Variants in KLHL1 observed in about 807,000 individuals in gnomAD.
KLHL1 encodes the protein kelch like family member 1.
A neutral mutation model predicts 77.7 loss-of-function variants in KLHL1; 47 were observed. That is an observed-to-expected ratio of 0.60 (90% CI 0.48 to 0.77). KLHL1 has a LOEUF of 0.77. KLHL1 is among the 30% of genes least tolerant of loss of function. KLHL1 has a pLI of 0.00. For synonymous variants in KLHL1, 360 were observed against 325.2 expected (o/e 1.11, Z -1.15); for missense variants, 925 against 910.8 (o/e 1.02, Z -0.20).
chr13:70,082,844 G>T (rs1003630473), intron 1 of KLHL1, among the ~76,000 whole-genome samples: 3 of 152,102 alleles, frequency 2.0e-5, no homozygotes, highest in African/African-American at 7.2e-5. Context: ...TGCAGCTGGA[G>T]CCAATAACCT....
chr13:69,855,343 G>C (rs779670444), intron 5 of KLHL1, among the ~76,000 whole-genome samples: 5,808 of 78,670 alleles, frequency 0.074, 173 homozygotes, highest in African/African-American at 0.13. Flanking sequence ...TAGATAGATA[G>C]ATAGACAGAC....
chr13:70,008,517 T>C (rs867244296), intron 1 of KLHL1, among the ~76,000 whole-genome samples: 16 of 152,222 alleles, frequency 1.1e-4, no homozygotes, highest in African/African-American at 3.6e-4. Flanking sequence ...TGCATGTTTT[T>C]AACCATTTGA....
intron 3 of KLHL1, among the ~76,000 whole-genome samples, chr13:69,941,130 G>A (rs1211386158): frequency 6.6e-6 from 1 of 151,816 alleles, no homozygotes; most frequent in Non-Finnish European, 1.5e-5. Context: ...AATATTTACA[G>A]AACATTCTGC....
At chr13:70,103,250 G>A (rs1887967473) in intron 1 of KLHL1, among the ~76,000 whole-genome samples, 1 of 152,052 alleles carries the variant, frequency 6.6e-6, no homozygotes, top group Non-Finnish European at 1.5e-5. Flanking sequence ...AAAATTATAG[G>A]GAAGGATATT....
intron 6 of KLHL1, among the ~76,000 whole-genome samples, chr13:69,815,251 C>CTCAT (rs1478151550): frequency 1.3e-5 from 2 of 152,174 alleles, no homozygotes. Context: ...GACACCTGCA[C>CTCAT]TCATATGTTT....
chr13:69,982,472 AT>A (rs1566470953), intron 1 of KLHL1, among the ~76,000 whole-genome samples: 21 of 136,142 alleles, frequency 1.5e-4, no homozygotes, highest in Non-Finnish European at 2.3e-4. Flanking sequence ...AATAATAATA[AT>A]AATAATAAAA....
chr13:69,856,692 C>T (rs1879933761), intron 5 of KLHL1, among the ~76,000 whole-genome samples: 1 of 152,030 alleles, frequency 6.6e-6, no homozygotes, highest in Non-Finnish European at 1.5e-5. Flanking sequence ...ATAATAAATA[C>T]TTAGTGCATA....
intron 9 of KLHL1, among the ~76,000 whole-genome samples, chr13:69,714,605 A>AT (rs902923532): frequency 3.3e-5 from 5 of 151,576 alleles, no homozygotes; most frequent in Non-Finnish European, 4.4e-5. Context: ...TTATTTATAT[A>AT]TTTTTTGAGA....
intron 1 of KLHL1, among the ~76,000 whole-genome samples, chr13:70,025,459 C>T (rs1313634217): frequency 2.0e-5 from 3 of 151,836 alleles, no homozygotes; most frequent in African/African-American, 7.3e-5. Context: ...TTTTTATGCA[C>T]TTTTCCTAGT....
chr13:70,024,126 T>C (rs1400617265), intron 1 of KLHL1, among the ~76,000 whole-genome samples: 1 of 151,852 alleles, frequency 6.6e-6, no homozygotes, highest in African/African-American at 2.4e-5. Context: ...TGGTATGGCG[T>C]AGACGATTGT....
intron 1 of KLHL1, among the ~76,000 whole-genome samples, chr13:70,038,076 T>C (rs2137375407): frequency 6.6e-6 from 1 of 152,326 alleles, no homozygotes; most frequent in African/African-American, 2.4e-5. Flanking sequence ...CTGCAATCTC[T>C]CACCTTTGAC....
chr13:69,731,689 T>C (rs74090427), intron 8 of KLHL1, among the ~76,000 whole-genome samples: 24,511 of 152,180 alleles, frequency 0.16, 2,243 homozygotes, highest in African/African-American at 0.24. Flanking sequence ...CTATTTGCTT[T>C]AGCTTTTTGT....
intron 9 of KLHL1, among the ~76,000 whole-genome samples, chr13:69,712,048 C>T (rs1875901856): frequency 6.6e-6 from 1 of 152,016 alleles, no homozygotes. Flanking sequence ...TTCAAATCTT[C>T]TGCCTAGTTT....
At chr13:69,995,607 G>T (rs1566483099) in intron 1 of KLHL1, among the ~76,000 whole-genome samples, 1 of 152,214 alleles carries the variant, frequency 6.6e-6, no homozygotes, top group East Asian at 1.9e-4. Context: ...ACAAGCATTA[G>T]ATATTGGAAA....
chr13:69,759,488 C>T (rs1183344831), intron 7 of KLHL1, among the ~76,000 whole-genome samples: 2 of 152,112 alleles, frequency 1.3e-5, no homozygotes, highest in East Asian at 3.8e-4. Context: ...ACCAATTTTA[C>T]AGTTAGCTTT....
At chr13:70,051,556 A>G (rs758518191) in intron 1 of KLHL1, among the ~76,000 whole-genome samples, 1 of 152,096 alleles carries the variant, frequency 6.6e-6, no homozygotes, top group Non-Finnish European at 1.5e-5. Flanking sequence ...TAGACCATTT[A>G]TGAATGAAAT....
intron 7 of KLHL1, among the ~76,000 whole-genome samples, chr13:69,779,458 A>C (rs1876020807): frequency 9.5e-6 from 1 of 104,964 alleles, no homozygotes; most frequent in African/African-American, 3.8e-5. Context: ...CTTTCCTTTT[A>C]CTGTTGTTTT....
chr13:69,871,349 C>A (rs1430428879), intron 5 of KLHL1, among the ~76,000 whole-genome samples: 1 of 152,184 alleles, frequency 6.6e-6, no homozygotes, highest in Non-Finnish European at 1.5e-5. Flanking sequence ...ATGGAAGGGG[C>A]TGCCTCCAGA....
At chr13:69,800,607 T>A (rs773453372) in intron 6 of KLHL1, among the ~76,000 whole-genome samples, 1 of 152,190 alleles carries the variant, frequency 6.6e-6, no homozygotes, top group Non-Finnish European at 1.5e-5. Context: ...TTTCTTTTTA[T>A]GAAAATTATT....
Sources: allele counts gnomAD v4.1 joint callset (sites outside exome capture counted in the v4.1 genomes callset), GRCh38; gene constraint gnomAD v4.1.1; transcripts MANE v1.5; gene names NCBI Gene and HGNC (gene_info 2026-07-23, HGNC 2026-07-21).